SHISAL1: variants seen among roughly 807,000 people sequenced by gnomAD.
The protein encoded by SHISAL1 is protein shisa-like-1.
A neutral mutation model predicts 22.6 loss-of-function variants in SHISAL1; 9 were observed. The observed-to-expected ratio is 0.40, with a 90% CI of 0.24 to 0.70. SHISAL1 has a LOEUF of 0.70. SHISAL1 is among the 30% of genes least tolerant of loss of function. SHISAL1 has a pLI of 0.39. For synonymous variants in SHISAL1, 119 were observed against 115.4 expected (o/e 1.03, Z -0.20); for missense variants, 246 against 270.6 (o/e 0.91, Z 0.64).
intron 1 of SHISAL1, among the ~76,000 whole-genome samples, chr22:44,307,559 G>A (rs532440564): frequency 2.0e-5 from 3 of 152,284 alleles, no homozygotes; most frequent in South Asian, 4.1e-4. Context: ...ATGGTAGTCC[G>A]TGGCCAACAA....
At chr22:44,259,442 T>G (rs542589989) in intron 4 of SHISAL1, among the ~76,000 whole-genome samples, 1 of 133,680 alleles carries the variant, frequency 7.5e-6, no homozygotes, top group Non-Finnish European at 1.6e-5. Context: ...TGTCTAAAAA[T>G]AGAATAGAAT....
intron 3 of SHISAL1, among the ~76,000 whole-genome samples, chr22:44,288,567 G>A (rs542529060): frequency 1.8e-4 from 28 of 152,356 alleles, no homozygotes; most frequent in Admixed American, 1.8e-3. Flanking sequence ...CGTGAATGCG[G>A]GAGGTGGAGC....
chr22:44,277,673 C>T (rs2055249350), intron 4 of SHISAL1, among the ~76,000 whole-genome samples: 1 of 152,118 alleles, frequency 6.6e-6, no homozygotes, highest in African/African-American at 2.4e-5. Flanking sequence ...GAGACAGAGG[C>T]GTGCTCACAG....
intron 3 of SHISAL1, among the ~76,000 whole-genome samples, chr22:44,296,031 A>G (rs1056295788): frequency 1.3e-5 from 2 of 152,242 alleles, no homozygotes; most frequent in Non-Finnish European, 1.5e-5. Context: ...GAATGAATGA[A>G]GGAACCCGGT....
intron 4 of SHISAL1, among the ~76,000 whole-genome samples, chr22:44,264,184 G>A (rs1274201994): frequency 6.6e-6 from 1 of 152,188 alleles, no homozygotes; most frequent in African/African-American, 2.4e-5. Flanking sequence ...CCTTGTCAAA[G>A]CCCTGGTGGA....
intron 4 of SHISAL1, among the ~76,000 whole-genome samples, chr22:44,250,405 T>A (rs1313309201): frequency 2.0e-5 from 3 of 152,186 alleles, no homozygotes; most frequent in Non-Finnish European, 4.4e-5. Flanking sequence ...TGGAACAAGA[T>A]CTACAGTGTG....
Position 44,282,509 on chromosome 22 carries a change from G to A in SHISAL1, c.599+2919C>T, listed in dbSNP as rs186837284. Among the ~76,000 whole-genome samples the A allele has an allele frequency of 3.4e-3, 519 of 152,342 alleles. 2 individuals carry two copies. The highest frequency in any genetic ancestry group is 5.6e-3 in the Non-Finnish European group (378 of 68,028). ...TCATTAGGAGACTCCAGGAGCTCAGGGGATGTGGGTGTGTCTGCAGCTGTC... is the reference window on the plus strand; with the variant it reads ...TCATTAGGAGACTCCAGGAGCTCAGAGGATGTGGGTGTGTCTGCAGCTGTC... On this transcript the variant is annotated intron_variant, in intron 4 of 4. Transcript: ENST00000381176.
the SHISAL1 span, among the ~76,000 whole-genome samples, chr22:44,319,041 G>A: frequency 1.3e-5 from 2 of 152,240 alleles, no homozygotes; most frequent in Non-Finnish European, 2.9e-5. Context: ...CCATGGCTTC[G>A]CCTCTCATTG....
chr22:44,305,923 C>G (rs1245986426), intron 1 of SHISAL1, among the ~76,000 whole-genome samples: 1 of 152,220 alleles, frequency 6.6e-6, no homozygotes, highest in Non-Finnish European at 1.5e-5. Context: ...TCCCCACGCC[C>G]CCAAGGCAGC....
chr22:44,249,674 C>T lies in SHISAL1; in HGVS notation c.*11G>A, dbSNP rs1284032073. 1 of 779,656 alleles carries T rather than the reference C, an allele frequency of 1.3e-6. No homozygotes were observed. 48.3% of individuals were successfully genotyped at this position (779,656 alleles called of 1,614,324 possible). ...TCATCTCCCCCATCCTGAGGCACAG[C>T]AAAAGCGTTTTCTGGAGGAAATACA... On this transcript the variant is annotated 3_prime_UTR_variant, in exon 5 of 5. Transcript: ENST00000381176.
chr22:44,311,104 G>C (rs1454354873), intron 1 of SHISAL1, among the ~76,000 whole-genome samples: 1 of 151,892 alleles, frequency 6.6e-6, no homozygotes, highest in Non-Finnish European at 1.5e-5. Context: ...GCCCTGGGTG[G>C]AAGTCCCTTA....
chr22:44,264,840 C>T (rs916505974), intron 4 of SHISAL1, among the ~76,000 whole-genome samples: 1 of 152,038 alleles, frequency 6.6e-6, no homozygotes, highest in Non-Finnish European at 1.5e-5. Flanking sequence ...CCAACACACA[C>T]ACCAGAGGCC....
At chr22:44,281,751 C>G (rs1257649446) in intron 4 of SHISAL1, among the ~76,000 whole-genome samples, 3 of 152,152 alleles carry the variant, frequency 2.0e-5, no homozygotes, top group African/African-American at 7.2e-5. Flanking sequence ...TCCAGAGAAT[C>G]TGAGCAAGAA....
intron 1 of SHISAL1, among the ~76,000 whole-genome samples, chr22:44,306,634 GGC>G (rs2055477902): frequency 2.1e-5 from 3 of 140,460 alleles, no homozygotes; most frequent in African/African-American, 7.9e-5. Context: ...TGATGACGAT[GGC>G]GTGTGTGGAG....
rs555773156 is a variant in SHISAL1 at position 44,247,868 on chromosome 22, A to AGCCACCTGGCTTTCTTGT, written c.*1799_*1816dup. The AGCCACCTGGCTTTCTTGT allele has an allele frequency of 0.092, 13,904 of 151,936 alleles. 1,093 individuals are homozygous for AGCCACCTGGCTTTCTTGT. Among genetic ancestry groups the AGCCACCTGGCTTTCTTGT allele is most frequent in the East Asian group, 0.23 (1,187 of 5,086 alleles). The allele number at this position is 151,936 out of a possible 1,614,324, so 9.4% of individuals were successfully genotyped here. A position where few individuals can be genotyped will look rare whatever the true frequency, so the allele number is the denominator to read the frequency against. ...CCTTCTGCCTTCCCTCTGGGTCCCC[A>AGCCACCTGGCTTTCTTGT]GCCACCTGGCTTTCTTGTGCCACCT... On this transcript the variant is annotated 3_prime_UTR_variant, in exon 5 of 5. Transcript: ENST00000381176.
At chr22:44,328,690 C>T in the SHISAL1 span, among the ~76,000 whole-genome samples, 3 of 152,098 alleles carry the variant, frequency 2.0e-5, no homozygotes, top group Admixed American at 2.0e-4. Context: ...ACCTTCTTGG[C>T]CCAAACTGCC....
intron 4 of SHISAL1, among the ~76,000 whole-genome samples, chr22:44,272,789 T>G (rs1480575233): frequency 6.6e-6 from 1 of 152,230 alleles, no homozygotes; most frequent in Non-Finnish European, 1.5e-5. Context: ...TGGGTGTCCC[T>G]GGAAACACTA....
At chr22:44,270,667 G>A (rs1002371401) in intron 4 of SHISAL1, among the ~76,000 whole-genome samples, 9 of 152,142 alleles carry the variant, frequency 5.9e-5, no homozygotes, top group African/African-American at 2.2e-4. Context: ...GGATCTGCCA[G>A]CCTAGGGTGG....
intron 3 of SHISAL1, among the ~76,000 whole-genome samples, chr22:44,287,925 G>C (rs1405186355): frequency 6.6e-6 from 1 of 152,222 alleles, no homozygotes; most frequent in Non-Finnish European, 1.5e-5. Context: ...CAGCCACGGG[G>C]GCTGAGGGAG....
Sources: allele counts gnomAD v4.1 joint callset (sites outside exome capture counted in the v4.1 genomes callset), GRCh38; gene constraint gnomAD v4.1.1; transcripts MANE v1.5; gene names NCBI Gene and HGNC (gene_info 2026-07-23, HGNC 2026-07-21).